CBLN2: variants seen among roughly 807,000 people sequenced by gnomAD.
The protein encoded by CBLN2 is cerebellin 2 precursor.
In CBLN2, 7 loss-of-function variants were observed where a neutral mutation model predicts 15.0. That is an observed-to-expected ratio of 0.47 (90% confidence interval 0.27 to 0.88). The LOEUF is 0.88. Ranked by LOEUF, CBLN2 falls within the 40% of genes least tolerant of loss-of-function variation. The pLI, the probability that CBLN2 is intolerant of heterozygous loss-of-function variation, is 0.14. For missense variants in CBLN2, 242 were observed against 304.5 expected (o/e 0.79, Z 1.53); for synonymous variants, 149 against 135.2 (o/e 1.10, Z -0.71).
At chr18:72,582,679 C>G (rs879330270) in intron 1 of CBLN2, among the ~76,000 whole-genome samples, 1 of 152,078 alleles carries the variant, frequency 6.6e-6, no homozygotes, top group Admixed American at 6.5e-5. Flanking sequence ...CATGAGATAT[C>G]CAGGACTGTT....
intron 1 of CBLN2, among the ~76,000 whole-genome samples, chr18:72,632,466 T>G (rs1454923095): frequency 6.6e-6 from 1 of 152,206 alleles, no homozygotes; most frequent in Non-Finnish European, 1.5e-5. Flanking sequence ...TGTATATGCT[T>G]TATAAATAAC....
intron 1 of CBLN2, among the ~76,000 whole-genome samples, chr18:72,566,537 A>T (rs2069296207): frequency 6.6e-6 from 1 of 152,202 alleles, no homozygotes; most frequent in Non-Finnish European, 1.5e-5. Context: ...CATTATGTTA[A>T]GTGAAATGTC....
intron 1 of CBLN2, among the ~76,000 whole-genome samples, chr18:72,619,405 G>A (rs1280900435): frequency 6.6e-6 from 1 of 152,180 alleles, no homozygotes; most frequent in East Asian, 1.9e-4. Flanking sequence ...GACTGTATTT[G>A]TGATTAATTG....
chr18:72,556,600 C>T (rs1224171619), intron 1 of CBLN2, among the ~76,000 whole-genome samples: 1 of 152,190 alleles, frequency 6.6e-6, no homozygotes, highest in African/African-American at 2.4e-5. Context: ...CCTTTCCTGT[C>T]TCTATTTCTG....
In CBLN2 at chr18:72,544,115, A is replaced by C. The variant is rs1391353032; in HGVS notation, c.-350T>G. 6.6e-6 allele frequency: 1 copy of C among 150,768 alleles called. No homozygotes were observed. The highest frequency in any genetic ancestry group is 6.6e-5 in the Admixed American group (1 of 15,150). The allele number at this position is 150,768 out of a possible 1,614,324, so 9.3% of individuals were successfully genotyped here. ...CCAAGTCTTAATATTGAATGGCGTGACCACTTTCATAATGACAGGAGCGAA... is the reference window on the plus strand; with the variant it reads ...CCAAGTCTTAATATTGAATGGCGTGCCCACTTTCATAATGACAGGAGCGAA... On this transcript the variant is annotated 5_prime_UTR_variant, in exon 1 of 5. Coordinates refer to ENST00000269503, the MANE Select transcript of CBLN2 (RefSeq NM_182511.4).
At chr18:72,610,490 C>CTA (rs2069614630) in intron 1 of CBLN2, among the ~76,000 whole-genome samples, 1 of 152,116 alleles carries the variant, frequency 6.6e-6, no homozygotes, top group Non-Finnish European at 1.5e-5. Context: ...CACCAAATAT[C>CTA]TATATATCTA....
At chr18:72,573,926 A>G (rs2069347968) in intron 1 of CBLN2, among the ~76,000 whole-genome samples, 1 of 152,226 alleles carries the variant, frequency 6.6e-6, no homozygotes, top group African/African-American at 2.4e-5. Context: ...TTCTTGTTGC[A>G]CCACATCCTT....
At chr18:72,562,924 C>T (rs902387133) in intron 1 of CBLN2, among the ~76,000 whole-genome samples, 1 of 152,190 alleles carries the variant, frequency 6.6e-6, no homozygotes, top group Non-Finnish European at 1.5e-5. Context: ...AAGCAAGTTG[C>T]TTCTAGGATA....
intron 1 of CBLN2, among the ~76,000 whole-genome samples, chr18:72,571,848 GA>G (rs1226746843): frequency 6.6e-6 from 1 of 152,056 alleles, no homozygotes; most frequent in Non-Finnish European, 1.5e-5. Context: ...CTCGAGAGAC[GA>G]TTTTTTTTGA....
intron 1 of CBLN2, among the ~76,000 whole-genome samples, chr18:72,568,219 C>G (rs1197808589): frequency 1.3e-5 from 2 of 152,136 alleles, no homozygotes; most frequent in Admixed American, 6.6e-5. Context: ...AGGGTTAAAA[C>G]GAATGACCTC....
chr18:72,638,387 T>C, exon 1 of CBLN2: 2 of 398,526 alleles, frequency 5.0e-6, no homozygotes, highest in East Asian at 7.1e-5. Context: ...ATCTGAAGAA[T>C]GTTGTCCAGT....
At chr18:72,550,273 C>T (rs2069183955) in intron 1 of CBLN2, among the ~76,000 whole-genome samples, 1 of 152,216 alleles carries the variant, frequency 6.6e-6, no homozygotes, top group Admixed American at 6.5e-5. Flanking sequence ...CTCAGGATCT[C>T]ATCCTCTCCA....
At chr18:72,610,177 T>C (rs566350676) in intron 1 of CBLN2, among the ~76,000 whole-genome samples, 1 of 152,198 alleles carries the variant, frequency 6.6e-6, no homozygotes, top group South Asian at 2.1e-4. Context: ...TGAGTTGTTG[T>C]TGTTGTTTTT....
chr18:72,608,474 A>G (rs1367627576), intron 1 of CBLN2, among the ~76,000 whole-genome samples: 2 of 152,146 alleles, frequency 1.3e-5, no homozygotes, highest in African/African-American at 4.8e-5. Flanking sequence ...GTGCACTTAA[A>G]CCTTCATAAA....
intron 1 of CBLN2, among the ~76,000 whole-genome samples, chr18:72,608,681 G>C (rs1246034637): frequency 6.6e-6 from 1 of 152,198 alleles, no homozygotes; most frequent in Non-Finnish European, 1.5e-5. Context: ...GTGATTGTGA[G>C]AAAGATTTGC....
chr18:72,596,957 C>G (rs1315091530), intron 1 of CBLN2, among the ~76,000 whole-genome samples: 3 of 152,088 alleles, frequency 2.0e-5, no homozygotes, highest in African/African-American at 7.2e-5. Context: ...TGATATCTTT[C>G]TCTAGGTTTG....
chr18:72,582,580 G>T (rs1285354241), intron 1 of CBLN2, among the ~76,000 whole-genome samples: 4 of 152,160 alleles, frequency 2.6e-5, no homozygotes, highest in Non-Finnish European at 5.9e-5. Context: ...GAATGCATGA[G>T]TTGTGCTGTG....
intron 1 of CBLN2, among the ~76,000 whole-genome samples, chr18:72,585,140 G>C (rs1039808263): frequency 1.3e-5 from 2 of 152,216 alleles, no homozygotes; most frequent in Non-Finnish European, 2.9e-5. Context: ...CACAGCCCTG[G>C]CTCACAGAGC....
chr18:72,616,591 T>C (rs1022004416), intron 1 of CBLN2, among the ~76,000 whole-genome samples: 3 of 152,178 alleles, frequency 2.0e-5, no homozygotes, highest in Admixed American at 6.6e-5. Context: ...TTTGTTTGAG[T>C]ATGGATGCTG....
Sources: gnomAD v4.1 joint callset for allele counts (sites outside exome capture counted in the v4.1 genomes callset) on GRCh38, gnomAD v4.1.1 for gene constraint, MANE v1.5 for transcripts, NCBI Gene and HGNC (gene_info 2026-07-23, HGNC 2026-07-21) for gene names.